The following AGK variants were observed in gnomAD, a reference collection of about 807,000 sequenced individuals.
AGK encodes acylglycerol kinase.
In AGK, 52 loss-of-function variants were observed where a neutral mutation model predicts 66.4. The ratio of observed to expected loss-of-function variants is 0.78; its 90% CI spans 0.63 to 0.99. The LOEUF is 0.99. Ranked by LOEUF, AGK falls within the 50% of genes least tolerant of loss-of-function variation. The probability of loss-of-function intolerance (pLI) is 0.00; values close to 1 mark genes in which losing one functional copy is unlikely to be tolerated. For synonymous variants in AGK, 182 were observed against 181.1 expected, an observed-to-expected ratio of 1.00 and a Z score of -0.04; for missense variants, 451 against 506.6, an observed-to-expected ratio of 0.89 and a Z score of 1.05.
At chr7:141,614,703 C>G (rs1201377137) in intron 7 of AGK, among the ~76,000 whole-genome samples, 2 of 152,090 alleles carry the variant, frequency 1.3e-5, no homozygotes, top group East Asian at 1.9e-4. Flanking sequence ...ACACCAACCT[C>G]AGGATAATGG....
intron 4 of AGK, 59 bp downstream of exon 4, chr7:141,596,700 G>A: frequency 6.9e-7 from 1 of 1,442,930 alleles, no homozygotes; most frequent in South Asian, 1.1e-5. Context: ...AGAAATCACA[G>A]ACTATCAGGC....
Position 141,562,026 on chromosome 7 carries a change from T to C in AGK, c.101+6459T>C, listed in dbSNP as rs917735213. Reference sequence around the variant, plus strand: ...CTGTGATGTAATCCATATTCAGGTCTCTCAGCCATGGGTACCAGCACCTGC... The same window carrying C: ...CTGTGATGTAATCCATATTCAGGTCCCTCAGCCATGGGTACCAGCACCTGC... On this transcript the variant is annotated intron_variant, in intron 2 of 15. Transcript: ENST00000649286. The C allele has an allele frequency of 6.6e-6, 3 of 456,242 alleles. No individual in the cohort carries two copies. The Admixed American group carries it at 7.0e-5, about 11-fold the overall frequency. 28.3% of individuals were successfully genotyped at this position (456,242 alleles called of 1,614,324 possible). A position where few individuals can be genotyped will look rare whatever the true frequency, so the allele number is the denominator to read the frequency against.
Position 141,632,100 on chromosome 7 carries a change from G to A in AGK, c.589-1801G>A, listed in dbSNP as rs1045026217. ...ACAAAAATTAGCTGGGCGTGGTGGC[G>A]TGCACCTGTAATCCCAGCTACTCAG... On this transcript the variant is annotated intron_variant, in intron 9 of 15. Transcript: ENST00000649286. 8.6e-5 allele frequency among the ~76,000 whole-genome samples: 13 copies of A among 151,846 alleles called. No homozygotes were observed. In the East Asian group the frequency reaches 1.4e-3, roughly 16 times the overall value.
At chr7:141,563,529 C>T (rs1795398227) in intron 2 of AGK, among the ~76,000 whole-genome samples, 1 of 152,228 alleles carries the variant, frequency 6.6e-6, no homozygotes, top group South Asian at 2.1e-4. Context: ...CCCTGAGTGT[C>T]CATGTGGATG....
rs1208138337 is a variant in AGK at position 141,633,184 on chromosome 7, T to TA, written c.589-716dup. ...TGGGTGCCTGTCAGTTTTCAGCTCT[T>TA]AGACTTTAGATGAAATTCTGAGCTA... is the stretch of plus-strand genomic sequence containing the variant. On this transcript the variant is annotated intron_variant, in intron 9 of 15. Transcript: ENST00000649286. Among the ~76,000 whole-genome samples, 3 of 152,186 alleles carry TA rather than the reference T, an allele frequency of 2.0e-5. No individual in the cohort carries two copies. The East Asian group carries it at 5.8e-4, about 29-fold the overall frequency.
intron 2 of AGK, among the ~76,000 whole-genome samples, chr7:141,581,126 A>G (rs1795873038): frequency 6.6e-6 from 1 of 151,932 alleles, no homozygotes; most frequent in South Asian, 2.1e-4. Flanking sequence ...ATGAAGAATT[A>G]TGCCGATATA....
At chr7:141,590,332 T>C (rs1166931089) in intron 2 of AGK, among the ~76,000 whole-genome samples, 1 of 152,184 alleles carries the variant, frequency 6.6e-6, no homozygotes, top group Non-Finnish European at 1.5e-5. Context: ...AGAGATGGGA[T>C]TGTAGCTTTT....
Position 141,611,064 on chromosome 7 carries a change from T to C in AGK, c.298-131T>C, listed in dbSNP as rs565377138. 4.7e-5 allele frequency: 26 copies of C among 549,446 alleles called. No homozygotes were observed. In the South Asian group the frequency reaches 6.2e-4, roughly 13 times the overall value. 34.0% of individuals were successfully genotyped at this position (549,446 alleles called of 1,614,324 possible). On this transcript the variant is annotated intron_variant, in intron 5 of 15. Transcript: ENST00000649286. Reference sequence around the variant, plus strand: ...ATTGCTTTGATAGCTATTTTTTTCATGTCTATCAGTTATGTAAAATTTACG... The same window carrying C: ...ATTGCTTTGATAGCTATTTTTTTCACGTCTATCAGTTATGTAAAATTTACG...
rs142069429 is a variant in AGK at position 141,651,566 on chromosome 7, C to T, written c.1088C>T (p.Thr363Met). 727 of 1,614,206 alleles carry T rather than the reference C, an allele frequency of 4.5e-4. 3 individuals carry two copies. The highest frequency in any genetic ancestry group is 2.3e-4 in the Non-Finnish European group (266 of 1,180,042). ...VRNPKLHVEG[T>M]ECLQASQCTL... ...AACCCCAAGCTGCACGTGGAGGGCACGGAGTGTCTCCAAGCCAGCCAGTGC... is the reference window on the plus strand; with the variant it reads ...AACCCCAAGCTGCACGTGGAGGGCATGGAGTGTCTCCAAGCCAGCCAGTGC... The change falls in exon 15 of 16, where the codon ACG becomes ATG. Residue 363 changes from threonine (T) to methionine (M), a missense_variant. By Grantham distance (81) the Thr-to-Met change is moderately conservative. Coordinates refer to ENST00000649286, the MANE Select transcript of AGK (RefSeq NM_018238.4).
At chr7:141,560,460 CA>C (rs1280240376) in intron 2 of AGK, among the ~76,000 whole-genome samples, 1 of 151,170 alleles carries the variant, frequency 6.6e-6, no homozygotes, top group African/African-American at 2.4e-5. Flanking sequence ...ATGGTTTTTA[CA>C]AATTTTGTTT....
intron 1 of AGK, among the ~76,000 whole-genome samples, chr7:141,553,321 G>GA (rs1795139831): frequency 6.6e-6 from 1 of 152,118 alleles, no homozygotes; most frequent in South Asian, 2.1e-4. Flanking sequence ...CATTTTTGGG[G>GA]AACACAGCAT....
At chr7:141,619,164 C>T (rs1796772121) in intron 8 of AGK, among the ~76,000 whole-genome samples, 1 of 152,074 alleles carries the variant, frequency 6.6e-6, no homozygotes, top group South Asian at 2.1e-4. Context: ...ATCAATGTTT[C>T]ACAAGGCTTT....
intron 2 of AGK, among the ~76,000 whole-genome samples, chr7:141,561,488 A>C (rs1345879988): frequency 6.9e-6 from 1 of 144,850 alleles, no homozygotes; most frequent in Non-Finnish European, 1.5e-5. Flanking sequence ...GTATCTCATT[A>C]TTTTTTTTAA....
At chr7:141,578,294 G>T (rs528939154) in intron 2 of AGK, among the ~76,000 whole-genome samples, 1 of 151,902 alleles carries the variant, frequency 6.6e-6, no homozygotes, top group African/African-American at 2.4e-5. Flanking sequence ...GGTGCTCAGT[G>T]GGGGAGCTTT....
chr7:141,574,815 A>G (rs1795698853), intron 2 of AGK, among the ~76,000 whole-genome samples: 1 of 152,210 alleles, frequency 6.6e-6, no homozygotes, highest in Admixed American at 6.5e-5. Flanking sequence ...TTGGGATTTG[A>G]TAAGAAGGGA....
chr7:141,551,941 A>T (rs1795098982), intron 1 of AGK, among the ~76,000 whole-genome samples: 1 of 152,176 alleles, frequency 6.6e-6, no homozygotes, highest in African/African-American at 2.4e-5. Flanking sequence ...GGCGTGTCAA[A>T]TTCAGTATCT....
chr7:141,591,809 A>G (rs892856095), intron 2 of AGK, among the ~76,000 whole-genome samples: 8 of 152,242 alleles, frequency 5.3e-5, no homozygotes, highest in African/African-American at 1.9e-4. Context: ...AGCAATGTGC[A>G]TTAGCACAAG....
chr7:141,639,136 T>C (rs1018684024), intron 11 of AGK, among the ~76,000 whole-genome samples: 2 of 152,176 alleles, frequency 1.3e-5, no homozygotes, highest in Non-Finnish European at 2.9e-5. Flanking sequence ...GCAAAGACTT[T>C]AAATATACAG....
chr7:141,561,750 G>A (rs1297016122), intron 2 of AGK, among the ~76,000 whole-genome samples: 1 of 151,968 alleles, frequency 6.6e-6, no homozygotes. Flanking sequence ...TTTCCCTACT[G>A]TGTCCAGTGC....
Sources: gnomAD v4.1 joint callset for allele counts (sites outside exome capture counted in the v4.1 genomes callset) on GRCh38, gnomAD v4.1.1 for gene constraint, MANE v1.5 for transcripts, NCBI Gene and HGNC (gene_info 2026-07-23, HGNC 2026-07-21) for gene names.